PRIM2: variants seen among roughly 807,000 people sequenced by gnomAD.
PRIM2 encodes the protein DNA primase large subunit.
A neutral mutation model predicts 67.3 loss-of-function variants in PRIM2; 39 were observed. The ratio of observed to expected loss-of-function variants is 0.58; its 90% CI spans 0.45 to 0.76. The LOEUF (loss-of-function observed/expected upper bound fraction) is 0.76. PRIM2 is among the 30% of genes least tolerant of loss of function. The probability of loss-of-function intolerance (pLI) is 0.00; values close to 1 mark genes in which losing one functional copy is unlikely to be tolerated. For missense variants in PRIM2, 398 were observed against 598.7 expected (o/e 0.66, Z 3.50); for synonymous variants, 143 against 198.7 (o/e 0.72, Z 2.36).
At chr6:57,375,672 C>CTT (rs1226774379) in intron 5 of PRIM2, among the ~76,000 whole-genome samples, 26 of 136,192 alleles carry the variant, frequency 1.9e-4, no homozygotes, top group African/African-American at 6.0e-4. Context: ...CCGCCTCAGC[C>CTT]TTTTTTTTTT....
chr6:57,338,377 A>C (rs2127290890), intron 5 of PRIM2, among the ~76,000 whole-genome samples: 1 of 152,256 alleles, frequency 6.6e-6, no homozygotes, highest in Non-Finnish European at 1.5e-5. Flanking sequence ...CATCATCCTG[A>C]TACCAAAGCC....
At chr6:57,552,967 T>G (rs1228870104) in intron 10 of PRIM2, among the ~76,000 whole-genome samples, 1 of 152,178 alleles carries the variant, frequency 6.6e-6, no homozygotes, top group Non-Finnish European at 1.5e-5. Context: ...GCAAATAAAT[T>G]GTATTTTATT....
the PRIM2 span, among the ~76,000 whole-genome samples, chr6:57,293,064 GGGA>G: frequency 6.6e-6 from 1 of 152,098 alleles, no homozygotes; most frequent in Non-Finnish European, 1.5e-5. Flanking sequence ...CCTACAGAAT[GGGA>G]GAAAATTTTT....
chr6:57,275,638 G>T, the PRIM2 span, among the ~76,000 whole-genome samples: 1 of 152,190 alleles, frequency 6.6e-6, no homozygotes, highest in African/African-American at 2.4e-5. Context: ...TTTAAGTCAA[G>T]ACTTTAAACA....
At chr6:57,454,046 A>T (rs1772660874) in intron 7 of PRIM2, among the ~76,000 whole-genome samples, 1 of 152,108 alleles carries the variant, frequency 6.6e-6, no homozygotes, top group African/African-American at 2.4e-5. Flanking sequence ...TGAAATAATC[A>T]TGTGGTTTTT....
chr6:57,502,648 T>C (rs1190328304), intron 7 of PRIM2, among the ~76,000 whole-genome samples: 11 of 152,214 alleles, frequency 7.2e-5, no homozygotes, highest in East Asian at 3.8e-4. Flanking sequence ...CTATTTCCTT[T>C]GCTCCTCCCT....
At chr6:57,382,348 C>A (rs1224790153) in intron 7 of PRIM2, 180 bp downstream of exon 7, 7 of 670,736 alleles carry the variant, frequency 1.0e-5, no homozygotes, top group Non-Finnish European at 1.6e-5. Flanking sequence ...TTGTTACTAT[C>A]CATAGTTGGT....
intron 7 of PRIM2, among the ~76,000 whole-genome samples, chr6:57,384,231 C>G (rs1374098272): frequency 6.6e-6 from 1 of 152,132 alleles, no homozygotes; most frequent in Non-Finnish European, 1.5e-5. Flanking sequence ...AAGGTGTCGG[C>G]ATGGCCATGC....
At chr6:57,462,473 C>T (rs1263601496) in intron 7 of PRIM2, among the ~76,000 whole-genome samples, 2 of 152,154 alleles carry the variant, frequency 1.3e-5, no homozygotes, top group Non-Finnish European at 2.9e-5. Flanking sequence ...ATTAATTAGC[C>T]TCTTTGTTAC....
Position 57,622,319 on chromosome 6 carries a change from A to G in PRIM2, c.1231-9814A>G, listed in dbSNP as rs1208233142. On this transcript the variant is annotated intron_variant, in intron 12 of 13. Transcript: ENST00000615550. ...TTTTAATTGTGGTTATAGAAAATCT[A>G]AAATTACAGATATGTCATATTTCTG... 7.2e-5 allele frequency among the ~76,000 whole-genome samples: 11 copies of G among 152,356 alleles called. No individual in the cohort carries two copies. The East Asian group carries it at 2.1e-3, about 29-fold the overall frequency.
intron 7 of PRIM2, among the ~76,000 whole-genome samples, chr6:57,455,999 A>C (rs1171023688): frequency 3.9e-5 from 6 of 152,102 alleles, no homozygotes; most frequent in Admixed American, 3.3e-4. Flanking sequence ...AAAATCTCTC[A>C]GCATTTGCTT....
chr6:57,316,362 A>G (rs3757294), upstream of PRIM2, among the ~76,000 whole-genome samples: 36,823 of 152,078 alleles, frequency 0.24, 4,690 homozygotes, highest in East Asian at 0.47. Flanking sequence ...CAGTGAGCCA[A>G]GATCGCTCCA....
chr6:57,629,630 G>T (rs1205458769), intron 12 of PRIM2, among the ~76,000 whole-genome samples: 3 of 151,820 alleles, frequency 2.0e-5, no homozygotes, highest in Non-Finnish European at 4.4e-5. Flanking sequence ...TTGCCACCCT[G>T]GTCCATGGAT....
intron 5 of PRIM2, among the ~76,000 whole-genome samples, chr6:57,379,587 A>T (rs552365974): frequency 5.9e-5 from 9 of 152,240 alleles, no homozygotes; most frequent in African/African-American, 2.2e-4. Context: ...GTCTATATTA[A>T]CCTGAGTTTT....
the PRIM2 span, among the ~76,000 whole-genome samples, chr6:57,293,354 G>A: frequency 2.0e-5 from 3 of 152,214 alleles, no homozygotes; most frequent in Non-Finnish European, 4.4e-5. Flanking sequence ...TGTAGAGGAT[G>A]TGGAGAAATA....
At chr6:57,286,979 T>C in the PRIM2 span, among the ~76,000 whole-genome samples, 1 of 152,194 alleles carries the variant, frequency 6.6e-6, no homozygotes, top group Non-Finnish European at 1.5e-5. Flanking sequence ...AAAGAAGACA[T>C]TTATGTGGCC....
chr6:57,343,147 G>A (rs931097382), intron 5 of PRIM2, among the ~76,000 whole-genome samples: 15 of 152,018 alleles, frequency 9.9e-5, no homozygotes, highest in Admixed American at 7.9e-4. Context: ...AAATACTTTT[G>A]GTATTCTGTC....
At chr6:57,618,475 G>A (rs1353253887) in intron 12 of PRIM2, among the ~76,000 whole-genome samples, 68 of 152,296 alleles carry the variant, frequency 4.5e-4, no homozygotes, top group African/African-American at 1.3e-3. Context: ...TGAAGGAAGC[G>A]GACTGCTCCT....
the PRIM2 span, among the ~76,000 whole-genome samples, chr6:57,234,471 T>C: frequency 6.6e-6 from 1 of 152,230 alleles, no homozygotes; most frequent in Non-Finnish European, 1.5e-5. Flanking sequence ...ATTAATTTTA[T>C]GGCTTTAATA....
Sources: allele counts gnomAD v4.1 joint callset (sites outside exome capture counted in the v4.1 genomes callset), GRCh38; gene constraint gnomAD v4.1.1; transcripts MANE v1.5; gene names NCBI Gene and HGNC (gene_info 2026-07-23, HGNC 2026-07-21).